The following FSD2 variants were observed in gnomAD, a reference collection of about 807,000 sequenced individuals.
FSD2 encodes the protein fibronectin type III and SPRY domain containing 2.
In FSD2, 71 loss-of-function variants were observed where a neutral mutation model predicts 80.4. The ratio of observed to expected loss-of-function variants is 0.88; its 90% CI spans 0.73 to 1.08. The LOEUF is 1.08. FSD2 is among the 50% of genes least tolerant of loss of function. The probability of loss-of-function intolerance (pLI) is 0.00; values close to 1 mark genes in which losing one functional copy is unlikely to be tolerated. For synonymous variants in FSD2, 361 were observed against 329.5 expected (o/e 1.10, Z -1.03); for missense variants, 923 against 913.8 (o/e 1.01, Z -0.13).
intron 6 of FSD2, among the ~76,000 whole-genome samples, chr15:82,777,574 G>C (rs929174315): frequency 6.6e-6 from 1 of 152,154 alleles, no homozygotes; most frequent in South Asian, 2.1e-4. Context: ...GGCCGACCGC[G>C]GTGGCTCAGG....
At chr15:82,782,269 G>A (rs1266882980) in intron 4 of FSD2, among the ~76,000 whole-genome samples, 1 of 151,112 alleles carries the variant, frequency 6.6e-6, no homozygotes, top group Non-Finnish European at 1.5e-5. Flanking sequence ...GCTTGGTGGC[G>A]AGCGCCTGTA....
At chr15:82,785,342 T>G (rs2049970740) in intron 3 of FSD2, among the ~76,000 whole-genome samples, 1 of 151,808 alleles carries the variant, frequency 6.6e-6, no homozygotes, top group Admixed American at 6.6e-5. Flanking sequence ...TTTATTTATT[T>G]GAGATGGAGT....
intron 1 of FSD2, among the ~76,000 whole-genome samples, chr15:82,805,340 T>G (rs1227602580): frequency 6.6e-6 from 1 of 152,102 alleles, no homozygotes; most frequent in African/African-American, 2.4e-5. Context: ...AACATAACTT[T>G]GCCTATAATT....
chr15:82,791,544 A>G (rs2050152345), intron 1 of FSD2, among the ~76,000 whole-genome samples: 1 of 150,898 alleles, frequency 6.6e-6, no homozygotes, highest in African/African-American at 2.4e-5. Context: ...CTAACTTTTT[A>G]ATTTTTTTTT....
chr15:82,790,560 G>T (rs2050118215), intron 1 of FSD2, among the ~76,000 whole-genome samples: 1 of 151,564 alleles, frequency 6.6e-6, no homozygotes, highest in Non-Finnish European at 1.5e-5. Context: ...GTGTGTGTGT[G>T]TGTGTGTTCG....
Position 82,759,618 on chromosome 15 carries a change from C to T in FSD2, c.1998-18G>A. ...ACTTATGCCTGAAAATTAAATTTGACATAATAAAGTTTCAGTAATTCTATA... is the reference window on the plus strand; with the variant it reads ...ACTTATGCCTGAAAATTAAATTTGATATAATAAAGTTTCAGTAATTCTATA... On this transcript the variant is annotated intron_variant, in intron 12 of 12. Transcript: ENST00000334574. 6.5e-7 allele frequency: 1 copy of T among 1,529,512 alleles called. No individual in the cohort carries two copies. Among genetic ancestry groups the T allele is most frequent in the Non-Finnish European group, 8.8e-7 (1 of 1,134,316 alleles). 94.7% of individuals were successfully genotyped at this position (1,529,512 alleles called of 1,614,324 possible).
intron 4 of FSD2, 86 bp downstream of exon 4, chr15:82,782,709 G>C: frequency 8.8e-7 from 1 of 1,141,002 alleles, no homozygotes; most frequent in Non-Finnish European, 1.3e-6. Context: ...GGACAACCTA[G>C]CTTACCTCAA....
intron 5 of FSD2, 117 bp downstream of exon 5, chr15:82,780,128 C>A: frequency 2.9e-6 from 2 of 690,840 alleles, no homozygotes. Context: ...CTAATTTAAT[C>A]AGGATTGACA....
intron 1 of FSD2, among the ~76,000 whole-genome samples, chr15:82,792,289 AC>A (rs1307395593): frequency 6.6e-6 from 1 of 152,248 alleles, no homozygotes; most frequent in East Asian, 1.9e-4. Flanking sequence ...TTATTATCTG[AC>A]TGTTTGATTA....
chr15:82,801,819 C>A (rs748607986), intron 1 of FSD2, among the ~76,000 whole-genome samples: 1 of 152,116 alleles, frequency 6.6e-6, no homozygotes. Flanking sequence ...GATACCATGA[C>A]CATGCAGGAT....
Position 82,794,048 on chromosome 15 carries a change from T to G in FSD2, c.-78-6580A>C, listed in dbSNP as rs138397115. ...CCTTCCTCTGCTTGTTTTGTTTAGT[T>G]TGCTCTTCTTTTTCCAGTTTTTTAA... On this transcript the variant is annotated intron_variant, in intron 1 of 12. Transcript: ENST00000334574. Among the ~76,000 whole-genome samples the G allele has an allele frequency of 2.0e-5, 3 of 152,166 alleles. No homozygotes were observed. In the East Asian group the frequency reaches 5.8e-4, roughly 29 times the overall value.
chr15:82,793,061 T>C lies in FSD2; in HGVS notation c.-78-5593A>G, dbSNP rs529289284. Among the ~76,000 whole-genome samples the C allele has an allele frequency of 5.9e-5, 9 of 152,336 alleles. No homozygotes were observed. The South Asian group carries it at 1.9e-3, about 32-fold the overall frequency. On this transcript the variant is annotated intron_variant, in intron 1 of 12. Coordinates refer to ENST00000334574, the MANE Select transcript of FSD2 (RefSeq NM_001007122.4). ...AGAATTCACCAGTGAAGCCACCTGG[T>C]CCTAGACTTTTCTTTGTGGGTGGTG...
intron 6 of FSD2, among the ~76,000 whole-genome samples, chr15:82,775,338 C>T (rs1240073229): frequency 2.6e-5 from 4 of 151,532 alleles, no homozygotes; most frequent in Non-Finnish European, 5.9e-5. Flanking sequence ...GCTGAGGTTG[C>T]AGTGAGCTGA....
At chr15:82,775,321 C>A (rs1388923817) in intron 6 of FSD2, among the ~76,000 whole-genome samples, 1 of 151,988 alleles carries the variant, frequency 6.6e-6, no homozygotes, top group East Asian at 2.0e-4. Context: ...TCGCTGGAAC[C>A]CAGGAGGCTG....
Position 82,779,605 on chromosome 15 carries a change from G to A in FSD2, c.989+640C>T, listed in dbSNP as rs148910018. On this transcript the variant is annotated intron_variant, in intron 5 of 12. Coordinates refer to ENST00000334574, the MANE Select transcript of FSD2 (RefSeq NM_001007122.4). Reference sequence around the variant, plus strand: ...CACTTGAACCTGGGAGGCAGAGGTTGCAGTGAGCTGAGACCTTGCCATTGC... The same window carrying A: ...CACTTGAACCTGGGAGGCAGAGGTTACAGTGAGCTGAGACCTTGCCATTGC... Among the ~76,000 whole-genome samples, 393 of 151,490 alleles carry A rather than the reference G, an allele frequency of 2.6e-3. 3 individuals are homozygous for A. The highest frequency in any genetic ancestry group is 9.1e-3 in the African/African-American group (377 of 41,228).
intron 9 of FSD2, 121 bp from the exon 10 acceptor site, chr15:82,766,152 A>G (rs1226191953): frequency 4.6e-6 from 5 of 1,095,574 alleles, no homozygotes; most frequent in Non-Finnish European, 6.2e-6. Flanking sequence ...TCTGACCCAC[A>G]TTTAACAGCA....
intron 1 of FSD2, among the ~76,000 whole-genome samples, chr15:82,798,718 C>T (rs2050336541): frequency 6.6e-6 from 1 of 152,126 alleles, no homozygotes; most frequent in African/African-American, 2.4e-5. Flanking sequence ...ACACAGAAAA[C>T]AGAAGTCAAC....
intron 3 of FSD2, among the ~76,000 whole-genome samples, chr15:82,784,184 G>A (rs1178952063): frequency 6.6e-6 from 1 of 152,138 alleles, no homozygotes; most frequent in Non-Finnish European, 1.5e-5. Flanking sequence ...TGAGGATGAA[G>A]GGACTTTGAT....
intron 5 of FSD2, 94 bp from the exon 6 acceptor site, chr15:82,778,981 G>A: frequency 2.8e-6 from 4 of 1,406,492 alleles, no homozygotes; most frequent in Non-Finnish European, 3.9e-6. Context: ...ATGAAGAGGG[G>A]CTCTTTGCTG....
Sources: gnomAD v4.1 joint callset for allele counts (sites outside exome capture counted in the v4.1 genomes callset) on GRCh38, gnomAD v4.1.1 for gene constraint, MANE v1.5 for transcripts, NCBI Gene and HGNC (gene_info 2026-07-23, HGNC 2026-07-21) for gene names.